The following CLCN3 variants were observed in gnomAD, a reference collection of about 807,000 sequenced individuals.
CLCN3 encodes Cl-/H+ antiporter 3, also known as H(+)/Cl(-) exchange transporter 3.
In CLCN3, 16 loss-of-function variants were observed where a neutral mutation model predicts 83.4. The observed-to-expected ratio is 0.19, with a 90% CI of 0.13 to 0.29. The LOEUF (loss-of-function observed/expected upper bound fraction) is 0.29, where lower values mean the gene tolerates loss of function less well. CLCN3 is among the 10% of genes least tolerant of loss of function. The probability of loss-of-function intolerance (pLI) is 1.00; values close to 1 mark genes in which losing one functional copy is unlikely to be tolerated. For synonymous variants in CLCN3, 322 were observed against 346.2 expected (o/e 0.93, Z 0.78); for missense variants, 544 against 1,006.0 (o/e 0.54, Z 6.21).
intron 9 of CLCN3, among the ~76,000 whole-genome samples, chr4:169,700,439 G>A (rs998019318): frequency 3.9e-5 from 6 of 152,146 alleles, no homozygotes; most frequent in Admixed American, 1.3e-4. Flanking sequence ...TGTGTTTTTA[G>A]TAGAGATGTG....
chr4:169,697,654 G>A lies in CLCN3; in HGVS notation c.1483G>A (p.Gly495Arg), dbSNP rs1732617860. 1 of 1,613,680 alleles carries A rather than the reference G, an allele frequency of 6.2e-7. No individual in the cohort carries two copies. Among genetic ancestry groups the A allele is most frequent in the Non-Finnish European group, 8.5e-7 (1 of 1,179,770 alleles). The change falls in exon 9 of 13, where the codon GGA (glycine) becomes AGA (arginine). Residue 495 changes from glycine to arginine, a missense_variant. Around this residue, in one of 6 missense-constraint regions of CLCN3, gnomAD observed 194 missense variants for 341.4 expected, o/e 0.57. Coordinates refer to ENST00000513761, the MANE Select transcript of CLCN3 (RefSeq NM_001829.4). Reference sequence around the variant, plus strand: ...CATTCCTGATCGTCCAGCAGGCATTGGAGTATATTCAGCTATATGGCAGTT... The same window carrying A: ...CATTCCTGATCGTCCAGCAGGCATTAGAGTATATTCAGCTATATGGCAGTT... ...DDIPDRPAGI[G>R]VYSAIWQLCL... is the part of the protein sequence containing the mutation.
chr4:169,688,965 C>T, intron 4 of CLCN3, 78 bp from the exon 5 acceptor site: 1 of 1,233,254 alleles, frequency 8.1e-7, no homozygotes, highest in Middle Eastern at 1.9e-4. Flanking sequence ...CTGCTTTCTA[C>T]TTGCCTTTTA....
chr4:169,628,596 G>T (rs573324746), intron 1 of CLCN3, among the ~76,000 whole-genome samples: 2 of 152,136 alleles, frequency 1.3e-5, no homozygotes, highest in Non-Finnish European at 2.9e-5. Flanking sequence ...AAAGCAACAA[G>T]ATACTACCGT....
intron 2 of CLCN3, chr4:169,663,736 C>A: frequency 3.4e-6 from 1 of 294,514 alleles, no homozygotes; most frequent in Non-Finnish European, 6.8e-6. Context: ...GTTGACAAGA[C>A]TGAGGTAAGG....
At chr4:169,672,177 A>G (rs113815151) in intron 2 of CLCN3, among the ~76,000 whole-genome samples, 1 of 151,108 alleles carries the variant, frequency 6.6e-6, no homozygotes, top group East Asian at 1.9e-4. Context: ...GCGCCACTGC[A>G]CTCCAGCCTG....
chr4:169,664,393 C>G (rs1461660918), intron 2 of CLCN3, among the ~76,000 whole-genome samples: 2 of 152,086 alleles, frequency 1.3e-5, no homozygotes, highest in Non-Finnish European at 2.9e-5. Context: ...TGAAAAGTAT[C>G]ATTTTTTGCA....
intron 1 of CLCN3, among the ~76,000 whole-genome samples, chr4:169,634,053 T>G (rs1773446362): frequency 6.6e-6 from 1 of 152,194 alleles, no homozygotes; most frequent in South Asian, 2.1e-4. Context: ...CATGCTTGTG[T>G]TACAAAGAAT....
At chr4:169,640,052 G>C (rs1730361322) in intron 2 of CLCN3, among the ~76,000 whole-genome samples, 1 of 152,162 alleles carries the variant, frequency 6.6e-6, no homozygotes, top group Non-Finnish European at 1.5e-5. Context: ...ATTGCTCTGA[G>C]AATTAAATGC....
chr4:169,706,984 G>A lies in CLCN3; in HGVS notation c.1867G>A (p.Ala623Thr), dbSNP rs1439069322. ...CATGACCAGTAAATGGGTTGGAGAT[G>A]CCTTTGGCAGGGAAGGCATTTATGA... The part of the protein sequence containing the change: ...AVMTSKWVGD[A>T]FGREGIYEAH... The change falls in exon 11 of 13, where the codon GCC (alanine) becomes ACC (threonine). Residue 623 changes from alanine (A) to threonine (T), a missense_variant. Around this residue, in one of 6 missense-constraint regions of CLCN3, gnomAD observed 27 missense variants for 100.2 expected, o/e 0.27. Transcript: ENST00000513761. 1 of 1,614,156 alleles carries A rather than the reference G, an allele frequency of 6.2e-7. No homozygotes were observed. Among genetic ancestry groups the A allele is most frequent in the Non-Finnish European group, 8.5e-7 (1 of 1,180,016 alleles).
chr4:169,672,166 C>G (rs548942552), intron 2 of CLCN3, among the ~76,000 whole-genome samples: 20 of 151,414 alleles, frequency 1.3e-4, no homozygotes, highest in African/African-American at 4.1e-4. Context: ...GAGCCGAGAT[C>G]GCGCCACTGC....
In CLCN3 at chr4:169,687,695, CAA is replaced by C. The variant is rs1447982975; in HGVS notation, c.360_361del (p.Ser121PhefsTer3). The C allele has an allele frequency of 6.2e-7, 1 of 1,610,314 alleles. No homozygotes were observed. Among genetic ancestry groups the C allele is most frequent in the Non-Finnish European group, 8.5e-7 (1 of 1,178,078 alleles). On this transcript the variant is annotated frameshift_variant, in exon 4 of 13. Transcript: ENST00000513761. LOFTEE classifies it high-confidence loss of function. ...AAGAAAGAATCAGCATGGGAAATGACAAAAAGTTTGTATGATGCGTGGTCAGG... is the reference window on the plus strand; with the variant it reads ...AAGAAAGAATCAGCATGGGAAATGACAAAGTTTGTATGATGCGTGGTCAGG...
intron 2 of CLCN3, among the ~76,000 whole-genome samples, chr4:169,672,056 A>C (rs1270634904): frequency 3.3e-4 from 50 of 152,090 alleles, no homozygotes; most frequent in African/African-American, 1.1e-3. Flanking sequence ...CTAAAAATAA[A>C]AAAAAATTAG....
intron 3 of CLCN3, among the ~76,000 whole-genome samples, chr4:169,687,328 C>T (rs1581250628): frequency 6.6e-6 from 1 of 152,068 alleles, no homozygotes; most frequent in East Asian, 1.9e-4. Context: ...CACCTGTAAT[C>T]CCAGCACTTT....
At chr4:169,636,526 CTAGAT>C (rs1773506284) in intron 2 of CLCN3, among the ~76,000 whole-genome samples, 1 of 152,220 alleles carries the variant, frequency 6.6e-6, no homozygotes, top group East Asian at 1.9e-4. Context: ...TGATTTCTAT[CTAGAT>C]TAATTTTGCA....
rs571734887 is a variant in CLCN3 at position 169,709,527 on chromosome 4, A to G, written c.2149+2261A>G. 3.6e-3 allele frequency among the ~76,000 whole-genome samples: 545 copies of G among 152,196 alleles called. 2 individuals are homozygous for G. Among genetic ancestry groups the G allele is most frequent in the Middle Eastern group, 0.031 (9 of 292 alleles). ...GGTGAAATCCCGCCTCTACTAAAAT[A>G]CAAAAAAAATACATGGGTGTGGTGA... On this transcript the variant is annotated intron_variant, in intron 11 of 12. Transcript: ENST00000513761.
intron 2 of CLCN3, among the ~76,000 whole-genome samples, chr4:169,675,443 G>C (rs1010035899): frequency 2.6e-5 from 4 of 152,008 alleles, no homozygotes; most frequent in Non-Finnish European, 5.9e-5. Context: ...GAGTAGTCTG[G>C]GAATTTTGTT....
At position 169,695,663 on chromosome 4, in the gene CLCN3, A is replaced by G. The variant is rs1195518037; in HGVS notation, c.988A>G (p.Ile330Val). 1 of 1,613,616 alleles carries G rather than the reference A, an allele frequency of 6.2e-7. No homozygotes were observed. Among genetic ancestry groups the G allele is most frequent in the Non-Finnish European group, 8.5e-7 (1 of 1,179,674 alleles). Residue 330 changes from isoleucine to valine, a missense_variant, in exon 8 of 13, where the codon ATT becomes GTT. Physicochemically the swap from Ile to Val is conservative, Grantham distance 29. Transcript: ENST00000513761. ...AGVSVAFGAPIGGVLFSLEEV... is the reference protein window; with the variant it reads ...AGVSVAFGAPVGGVLFSLEEV... ...GGTTTCTGTAGCTTTTGGTGCACCA[A>G]TTGGAGGAGTTCTTTTTAGCCTGGA...
intron 2 of CLCN3, among the ~76,000 whole-genome samples, chr4:169,657,422 A>C (rs1730919404): frequency 6.6e-6 from 1 of 152,172 alleles, no homozygotes; most frequent in African/African-American, 2.4e-5. Context: ...GCTATAATTT[A>C]ACATGTTTCT....
chr4:169,672,375 A>C (rs1731501629), intron 2 of CLCN3, among the ~76,000 whole-genome samples: 1 of 151,998 alleles, frequency 6.6e-6, no homozygotes, highest in Non-Finnish European at 1.5e-5. Flanking sequence ...CCTGGTCTCA[A>C]GTGAGCTGCC....
Sources: allele counts gnomAD v4.1 joint callset (sites outside exome capture counted in the v4.1 genomes callset), GRCh38; gene constraint gnomAD v4.1.1; regional missense constraint gnomAD v4.1.1; transcripts MANE v1.5; gene names NCBI Gene and HGNC (gene_info 2026-07-23, HGNC 2026-07-21).